The following SOX6 variants were observed in gnomAD, a reference collection of about 807,000 sequenced individuals.
SOX6 encodes the protein SRY-box transcription factor 6.
A neutral mutation model predicts 97.8 loss-of-function variants in SOX6; 11 were observed. The observed-to-expected ratio is 0.11, with a 90% CI of 0.07 to 0.19. SOX6 has a LOEUF of 0.19. SOX6 is among the 10% of genes least tolerant of loss of function. SOX6 has a pLI of 1.00. For synonymous variants in SOX6, 360 were observed against 371.4 expected (o/e 0.97, Z 0.35); for missense variants, 810 against 1,039.5 (o/e 0.78, Z 3.04).
At chr11:16,442,281 T>C (rs576321506) in intron 1 of SOX6, among the ~76,000 whole-genome samples, 1 of 152,244 alleles carries the variant, frequency 6.6e-6, no homozygotes, top group African/African-American at 2.4e-5. Flanking sequence ...AATTATAGTT[T>C]CTCTAAAATG....
intron 4 of SOX6, among the ~76,000 whole-genome samples, chr11:16,219,701 G>A (rs1382010088): frequency 1.3e-5 from 2 of 151,984 alleles, no homozygotes; most frequent in African/African-American, 4.8e-5. Flanking sequence ...TAAGTGGTTA[G>A]CCCAGTAATT....
Position 16,318,524 on chromosome 11 carries a change from G to A in SOX6, c.367C>T (p.Arg123Cys). 1.9e-6 allele frequency: 3 copies of A among 1,613,560 alleles called. No homozygotes were observed. Among genetic ancestry groups the A allele is most frequent in the Non-Finnish European group, 1.7e-6 (2 of 1,179,770 alleles). ...TSVTFGTPER[R>C]KGSLADVVDT... The stretch of plus-strand genomic sequence containing the variant: ...ACCACATCGGCAAGACTCCCTTTGC[G>A]GCGCTCTGGGGTTCCAAAAGTAACA... The change falls in exon 3 of 16, where the codon CGC (arginine) becomes TGC (cysteine). Residue 123 changes from arginine (R) to cysteine (C), a missense_variant. Arg to Cys is a radical substitution (Grantham distance 180). This residue lies in a region of SOX6 where 46 missense variants were observed against 84.1 expected (regional missense o/e 0.55). Transcript: ENST00000683767.
chr11:16,118,549 GA>G (rs1849409198), intron 6 of SOX6, among the ~76,000 whole-genome samples: 1 of 152,182 alleles, frequency 6.6e-6, no homozygotes, highest in Non-Finnish European at 1.5e-5. Flanking sequence ...AAAGATACAT[GA>G]ATGGGCTAAC....
intron 13 of SOX6, among the ~76,000 whole-genome samples, chr11:15,998,671 T>C (rs1410239792): frequency 1.3e-5 from 2 of 152,032 alleles, no homozygotes; most frequent in African/African-American, 4.8e-5. Context: ...ACTAAGGCTG[T>C]TAAAGTGGAA....
chr11:16,474,605 T>G (rs1590216882), intron 1 of SOX6, among the ~76,000 whole-genome samples: 1 of 152,152 alleles, frequency 6.6e-6, no homozygotes, highest in East Asian at 1.9e-4. Flanking sequence ...GTAGTATGTC[T>G]CAACAGTGGG....
chr11:16,277,703 G>T (rs982858946), intron 3 of SOX6, among the ~76,000 whole-genome samples: 9 of 152,294 alleles, frequency 5.9e-5, no homozygotes, highest in African/African-American at 2.2e-4. Context: ...CAGGAGTGAA[G>T]ATAGAAAATC....
At chr11:16,448,082 G>T (rs560313294) in intron 1 of SOX6, among the ~76,000 whole-genome samples, 64 of 152,236 alleles carry the variant, frequency 4.2e-4, no homozygotes, top group African/African-American at 1.3e-3. Flanking sequence ...CTTCACTGTT[G>T]GCTTCTTGTC....
intron 4 of SOX6, among the ~76,000 whole-genome samples, chr11:16,533,714 T>C (rs1384060050): frequency 6.6e-6 from 1 of 152,044 alleles, no homozygotes; most frequent in Non-Finnish European, 1.5e-5. Flanking sequence ...AAAACCTAAA[T>C]ACTAAAATGA....
chr11:16,270,734 GA>G (rs1854231290), intron 3 of SOX6, among the ~76,000 whole-genome samples: 1 of 151,132 alleles, frequency 6.6e-6, no homozygotes, highest in South Asian at 2.1e-4. Flanking sequence ...AATGAATCTT[GA>G]AAACATGTTA....
chr11:15,987,940 T>G (rs1007498694), intron 14 of SOX6, among the ~76,000 whole-genome samples: 5 of 152,192 alleles, frequency 3.3e-5, no homozygotes, highest in African/African-American at 1.2e-4. Flanking sequence ...TAAATTTTTC[T>G]TAGAGGTCAC....
At chr11:16,271,014 C>T (rs1343803166) in intron 3 of SOX6, among the ~76,000 whole-genome samples, 1 of 151,138 alleles carries the variant, frequency 6.6e-6, no homozygotes, top group Non-Finnish European at 1.5e-5. Flanking sequence ...AAAACTGTAA[C>T]TTTTATGTTA....
intron 3 of SOX6, among the ~76,000 whole-genome samples, chr11:16,257,154 A>G (rs1004988388): frequency 6.6e-6 from 1 of 151,922 alleles, no homozygotes; most frequent in African/African-American, 2.4e-5. Context: ...CTATAGATTC[A>G]ATGCAATCCC....
rs544330205 is a variant in SOX6 at position 16,303,132 on chromosome 11, T to G, written c.445+15314A>C. On this transcript the variant is annotated intron_variant, in intron 3 of 15. Coordinates refer to ENST00000683767, the MANE Select transcript of SOX6 (RefSeq NM_001367873.1). The stretch of plus-strand genomic sequence containing the variant: ...GTGTATTTAAATATGTATACATATG[T>G]TGTTATGTGTGTATATATGTATGTT... 2.6e-5 allele frequency among the ~76,000 whole-genome samples: 4 copies of G among 152,334 alleles called. No individual in the cohort carries two copies. The South Asian group carries it at 8.3e-4, about 32-fold the overall frequency.
intron 3 of SOX6, among the ~76,000 whole-genome samples, chr11:16,268,814 T>C: frequency 6.6e-6 from 1 of 151,274 alleles, no homozygotes; most frequent in South Asian, 2.1e-4. Flanking sequence ...CAGAGTTCTT[T>C]ATATATTAGG....
chr11:16,484,630 G>A (rs1860399558), intron 4 of SOX6: 1 of 662,610 alleles, frequency 1.5e-6, no homozygotes, highest in African/African-American at 1.8e-5. Context: ...GCCCCAGGAT[G>A]GACATCCTGG....
At position 16,341,222 on chromosome 11, in the gene SOX6, T is replaced by C. The variant is rs771713051; in HGVS notation, c.27A>G (p.Pro9=). ...CCTCTCCATCAGCTGCACAGGCAAATGGAGAGGTGGCTTGCTTGGAAGACA... is the reference window on the plus strand; with the variant it reads ...CCTCTCCATCAGCTGCACAGGCAAACGGAGAGGTGGCTTGCTTGGAAGACA... MSSKQATS[P]FACAADGEDA... The change falls in exon 2 of 16, where the codon CCA becomes CCG. Residue 9 remains proline, a synonymous_variant. Coordinates refer to ENST00000683767, the MANE Select transcript of SOX6 (RefSeq NM_001367873.1). The C allele has an allele frequency of 6.2e-7, 1 of 1,613,282 alleles. No individual in the cohort carries two copies. The highest frequency in any genetic ancestry group is 1.7e-5 in the Admixed American group (1 of 59,908).
intron 3 of SOX6, among the ~76,000 whole-genome samples, chr11:16,301,717 C>G (rs1360432915): frequency 6.6e-6 from 1 of 151,762 alleles, no homozygotes; most frequent in African/African-American, 2.4e-5. Context: ...ACATATGGAC[C>G]AAGTTTGATG....
intron 12 of SOX6, among the ~76,000 whole-genome samples, chr11:16,045,691 G>A (rs1855807452): frequency 6.6e-6 from 1 of 152,108 alleles, no homozygotes; most frequent in South Asian, 2.1e-4. Flanking sequence ...GGGCCTGCAT[G>A]TTCATCATTC....
intron 12 of SOX6, among the ~76,000 whole-genome samples, chr11:16,035,352 C>T (rs940895053): frequency 2.6e-5 from 4 of 152,150 alleles, no homozygotes; most frequent in Non-Finnish European, 4.4e-5. Context: ...ACCTCATACT[C>T]ATCTGTAGAA....
Sources: gnomAD v4.1 joint callset for allele counts (sites outside exome capture counted in the v4.1 genomes callset) on GRCh38, gnomAD v4.1.1 for gene constraint, gnomAD v4.1.1 regional missense constraint, MANE v1.5 for transcripts, NCBI Gene and HGNC (gene_info 2026-07-23, HGNC 2026-07-21) for gene names.